ATP8A2: variants seen among roughly 807,000 people sequenced by gnomAD.
ATP8A2 encodes phospholipid-transporting ATPase IB.
Under a neutral mutation model 165.6 loss-of-function variants are expected in ATP8A2, and 100 were observed. That is an observed-to-expected ratio of 0.60 (90% CI 0.51 to 0.71). ATP8A2 has a LOEUF of 0.71. Among genes scored for constraint, ATP8A2 ranks in the 30% least tolerant of loss-of-function variants. The pLI is 0.00. For synonymous variants in ATP8A2, 543 were observed against 548.8 expected (o/e 0.99, Z 0.15); for missense variants, 1,227 against 1,479.5 (o/e 0.83, Z 2.80).
chr13:25,781,942 A>G (rs898862992), intron 27 of ATP8A2, among the ~76,000 whole-genome samples: 6 of 152,218 alleles, frequency 3.9e-5, no homozygotes, highest in African/African-American at 1.4e-4. Flanking sequence ...ATTGGTATCT[A>G]TGTCCTACTA....
At chr13:25,531,394 A>ATGAT (rs60674298) in intron 4 of ATP8A2, among the ~76,000 whole-genome samples, 1 of 47,130 alleles carries the variant, frequency 2.1e-5, no homozygotes, top group South Asian at 4.3e-4. Flanking sequence ...TGATATATAT[A>ATGAT]TGATTATATA....
intron 25 of ATP8A2, among the ~76,000 whole-genome samples, chr13:25,754,536 A>G (rs1223961546): frequency 1.3e-5 from 2 of 152,278 alleles, no homozygotes; most frequent in South Asian, 4.1e-4. Context: ...AATACCTTCA[A>G]TTTAGAAGAA....
intron 25 of ATP8A2, among the ~76,000 whole-genome samples, chr13:25,747,644 G>A (rs1473273667): frequency 3.3e-5 from 5 of 152,170 alleles, no homozygotes; most frequent in African/African-American, 9.7e-5. Context: ...GATACAATGC[G>A]TGGGGAGGGG....
chr13:25,589,747 A>T, intron 24 of ATP8A2, 48 bp downstream of exon 24: 1 of 1,188,206 alleles, frequency 8.4e-7, no homozygotes, highest in Non-Finnish European at 1.2e-6. Flanking sequence ...ACAGTATTAA[A>T]CTCTTTCTTT....
chr13:25,415,245 C>A (rs1378058947), intron 1 of ATP8A2, among the ~76,000 whole-genome samples: 2 of 152,236 alleles, frequency 1.3e-5, no homozygotes, highest in East Asian at 3.8e-4. Flanking sequence ...ACTCTCCATG[C>A]ATCCAGTATG....
chr13:25,548,593 C>T (rs1003716654), intron 10 of ATP8A2, among the ~76,000 whole-genome samples: 5 of 152,184 alleles, frequency 3.3e-5, no homozygotes, highest in Admixed American at 3.3e-4. Flanking sequence ...CTGGCCCTTA[C>T]GTTGAGGCCA....
intron 35 of ATP8A2, among the ~76,000 whole-genome samples, chr13:25,975,943 C>T (rs775562805): frequency 6.6e-5 from 10 of 152,144 alleles, no homozygotes; most frequent in South Asian, 4.1e-4. Flanking sequence ...TCAAACAACC[C>T]GTCCATAAAA....
intron 24 of ATP8A2, among the ~76,000 whole-genome samples, chr13:25,669,261 T>C (rs1461799804): frequency 6.6e-6 from 1 of 152,196 alleles, no homozygotes; most frequent in Non-Finnish European, 1.5e-5. Flanking sequence ...TTCTTTACTG[T>C]GTATCATTAC....
intron 1 of ATP8A2, among the ~76,000 whole-genome samples, chr13:25,459,082 A>G (rs2035437911): frequency 6.6e-6 from 1 of 152,208 alleles, no homozygotes; most frequent in Admixed American, 6.5e-5. Context: ...GAAGGCATTT[A>G]TGTGTAAGGA....
intron 35 of ATP8A2, among the ~76,000 whole-genome samples, chr13:26,000,340 T>C (rs1956608029): frequency 6.6e-6 from 1 of 152,342 alleles, no homozygotes; most frequent in Non-Finnish European, 1.5e-5. Flanking sequence ...AAATTCAGAT[T>C]TGGAGTTATT....
chr13:25,978,071 A>G (rs1956098163), intron 35 of ATP8A2, among the ~76,000 whole-genome samples: 1 of 152,192 alleles, frequency 6.6e-6, no homozygotes. Context: ...AGTTCCAAAC[A>G]AAACTAGTGT....
chr13:25,820,678 A>G (rs991073264), intron 27 of ATP8A2, among the ~76,000 whole-genome samples: 3 of 152,224 alleles, frequency 2.0e-5, no homozygotes, highest in African/African-American at 4.8e-5. Flanking sequence ...TAACATTTGT[A>G]TATGACTTAC....
At chr13:25,742,908 C>G (rs1331997177) in intron 25 of ATP8A2, among the ~76,000 whole-genome samples, 5 of 151,954 alleles carry the variant, frequency 3.3e-5, no homozygotes, top group African/African-American at 9.7e-5. Context: ...TAGCACAGCC[C>G]TTTCTGGGGG....
At chr13:25,527,476 A>AG (rs2037878028) in intron 2 of ATP8A2, among the ~76,000 whole-genome samples, 1 of 152,162 alleles carries the variant, frequency 6.6e-6, no homozygotes, top group Admixed American at 6.5e-5. Flanking sequence ...TGCTGCCTTT[A>AG]GCTGTTTGTA....
chr13:25,592,943 T>C (rs911353194), intron 24 of ATP8A2, among the ~76,000 whole-genome samples: 1 of 152,224 alleles, frequency 6.6e-6, no homozygotes. Context: ...ATTCAGTATC[T>C]ACTGAGCAGA....
chr13:25,374,575 G>C (rs1321957203), intron 1 of ATP8A2, among the ~76,000 whole-genome samples: 3 of 152,166 alleles, frequency 2.0e-5, no homozygotes, highest in Admixed American at 6.5e-5. Context: ...TGATCTGAGA[G>C]TAACCGTGAG....
At chr13:25,427,925 C>T (rs549075957) in intron 1 of ATP8A2, among the ~76,000 whole-genome samples, 19 of 151,890 alleles carry the variant, frequency 1.3e-4, no homozygotes, top group African/African-American at 3.6e-4. Flanking sequence ...TGGCTGGGTG[C>T]GGTGGCTCAT....
At chr13:26,019,271 C>G (rs1217408659) in intron 36 of ATP8A2, among the ~76,000 whole-genome samples, 1 of 152,144 alleles carries the variant, frequency 6.6e-6, no homozygotes, top group East Asian at 1.9e-4. Context: ...GTGGTGCATG[C>G]CTGTAGCCCT....
intron 35 of ATP8A2, among the ~76,000 whole-genome samples, chr13:26,003,889 A>T (rs1228930692): frequency 6.6e-6 from 1 of 151,946 alleles, no homozygotes; most frequent in Non-Finnish European, 1.5e-5. Flanking sequence ...ATCTGTTTTT[A>T]TGCCAGTACC....
Sources: gnomAD v4.1 joint callset for allele counts (sites outside exome capture counted in the v4.1 genomes callset) on GRCh38, gnomAD v4.1.1 for gene constraint, MANE v1.5 for transcripts, NCBI Gene and HGNC (gene_info 2026-07-23, HGNC 2026-07-21) for gene names.